The following RCC2 variants were observed in gnomAD, a reference collection of about 807,000 sequenced individuals.
RCC2 encodes regulator of chromosome condensation 2.
In RCC2, 19 loss-of-function variants were observed where a neutral mutation model predicts 64.1. The ratio of observed to expected loss-of-function variants is 0.30; its 90% confidence interval spans 0.21 to 0.44. The LOEUF (loss-of-function observed/expected upper bound fraction) is 0.44, where lower values mean the gene tolerates loss of function less well. Among genes scored for constraint, RCC2 ranks in the 20% least tolerant of loss-of-function variants. The pLI is 1.00. For missense variants in RCC2, 508 were observed against 710.4 expected (o/e 0.72, Z 3.24); for synonymous variants, 325 against 279.6 (o/e 1.16, Z -1.62).
At chr1:17,432,311 T>C (rs906545124) in intron 2 of RCC2, among the ~76,000 whole-genome samples, 1 of 152,240 alleles carries the variant, frequency 6.6e-6, no homozygotes, top group African/African-American at 2.4e-5. Flanking sequence ...TACAGGTCTA[T>C]ATTCAATGGC....
chr1:17,420,224 G>T (rs931528606), intron 7 of RCC2, among the ~76,000 whole-genome samples: 2 of 152,186 alleles, frequency 1.3e-5, no homozygotes, highest in African/African-American at 4.8e-5. Flanking sequence ...CAATGAGATC[G>T]AAGAAACAAG....
chr1:17,433,621 T>C (rs2075706804), intron 2 of RCC2, among the ~76,000 whole-genome samples: 2 of 152,216 alleles, frequency 1.3e-5, no homozygotes, highest in Non-Finnish European at 2.9e-5. Flanking sequence ...GTGATTTTCA[T>C]GTCATTTCAC....
intron 3 of RCC2, among the ~76,000 whole-genome samples, chr1:17,427,825 G>T (rs2075633834): frequency 6.6e-6 from 1 of 152,042 alleles, no homozygotes. Context: ...GAGGGACCGG[G>T]CAGGGGTGGG....
Position 17,438,358 on chromosome 1 carries a change from C to A in RCC2, c.157G>T (p.Asp53Tyr). Reference sequence around the variant, plus strand: ...CCGTCGAGCTCCAGGCCGTCCTCGTCGCCGCTGCTGCCGCCGCCGCTGCTG... The same window carrying A: ...CCGTCGAGCTCCAGGCCGTCCTCGTAGCCGCTGCTGCCGCCGCCGCTGCTG... Reference protein sequence around the residue: ...SSSSGGGSSGDEDGLELDGAP... With the variant: ...SSSSGGGSSGYEDGLELDGAP... Residue 53 changes from aspartate to tyrosine, a missense_variant, in exon 2 of 13, where the codon GAC (aspartate) becomes TAC (tyrosine). By Grantham distance (160) the Asp-to-Tyr change is radical (BLOSUM62 -3). Coordinates refer to ENST00000375436, the MANE Select transcript of RCC2 (RefSeq NM_018715.4). The A allele has an allele frequency of 8.1e-7, 1 of 1,240,160 alleles. No individual in the cohort carries two copies. The highest frequency in any genetic ancestry group is 1.0e-6 in the Non-Finnish European group (1 of 993,738). The allele number at this position is 1,240,160 out of a possible 1,614,324, so 76.8% of individuals were successfully genotyped here. A position where few individuals can be genotyped will look rare whatever the true frequency, so the allele number is the denominator to read the frequency against.
At position 17,435,811 on chromosome 1, in the gene RCC2, G is replaced by A. The variant is rs535492957; in HGVS notation, c.285+2419C>T. Among the ~76,000 whole-genome samples, 7 of 152,064 alleles carry A rather than the reference G, an allele frequency of 4.6e-5. 1 individual carries two copies. The highest frequency in any genetic ancestry group is 7.4e-5 in the Non-Finnish European group (5 of 67,980). On this transcript the variant is annotated intron_variant, in intron 2 of 12. Coordinates refer to ENST00000375436, the MANE Select transcript of RCC2 (RefSeq NM_018715.4). ...TGGGCGTCTATAATCCCAGCTACTC[G>A]GGAGGCTGAGGCAGAAGAATTGCTT...
At chr1:17,417,948 C>T (rs2075507102) in intron 7 of RCC2, among the ~76,000 whole-genome samples, 1 of 152,052 alleles carries the variant, frequency 6.6e-6, no homozygotes. Flanking sequence ...TACAGTAGAA[C>T]TACTTACATA....
At chr1:17,434,399 T>C (rs1237249162) in intron 2 of RCC2, among the ~76,000 whole-genome samples, 1 of 152,320 alleles carries the variant, frequency 6.6e-6, no homozygotes. Context: ...ACAGAGCTTG[T>C]GGAGAGCTGA....
chr1:17,435,331 G>T (rs1262472348), intron 2 of RCC2, among the ~76,000 whole-genome samples: 4 of 152,236 alleles, frequency 2.6e-5, no homozygotes, highest in Admixed American at 2.6e-4. Context: ...TGGGGTCACT[G>T]AAGGCAATAT....
chr1:17,422,842 G>C lies in RCC2; in HGVS notation c.524-6C>G, dbSNP rs202042798. The C allele has an allele frequency of 1.9e-6, 3 of 1,613,948 alleles. No individual in the cohort carries two copies. The Admixed American group carries it at 5.0e-5, about 27-fold the overall frequency. ...CTGCCCCTTCTCATTTCGACCTGCA[G>C]ATCACATGAGAGAAAGTAGAAAAGA... On this transcript the variant is annotated splice_polypyrimidine_tract_variant and splice_region_variant and intron_variant, in intron 4 of 12. Coordinates refer to ENST00000375436, the MANE Select transcript of RCC2 (RefSeq NM_018715.4).
At chr1:17,413,405 C>A in intron 9 of RCC2, 132 bp downstream of exon 9, 4 of 1,047,750 alleles carry the variant, frequency 3.8e-6, no homozygotes, top group East Asian at 2.4e-5. Flanking sequence ...GACAACACAA[C>A]GAGTTCCTGT....
chr1:17,409,216 G>C (rs1288219889), intron 12 of RCC2, 22 bp from the exon 13 acceptor site: 1 of 1,519,008 alleles, frequency 6.6e-7, no homozygotes, highest in Non-Finnish European at 9.1e-7. Context: ...AATCAGCGTT[G>C]GGTGTGCCTG....
intron 8 of RCC2, among the ~76,000 whole-genome samples, chr1:17,416,082 G>T (rs1360532981): frequency 8.7e-6 from 1 of 115,416 alleles, no homozygotes; most frequent in African/African-American, 3.2e-5. Flanking sequence ...AAAAAAAGGG[G>T]GGGGGGGCGG....
In RCC2 at chr1:17,426,019, C is replaced by T. The variant is rs115137287; in HGVS notation, c.380-335G>A. 2.4e-3 allele frequency among the ~76,000 whole-genome samples: 372 copies of T among 152,320 alleles called. 3 individuals are homozygous for T. Among genetic ancestry groups the T allele is most frequent in the African/African-American group, 8.0e-3 (333 of 41,558 alleles). Reference sequence around the variant, plus strand: ...TGTTCTGCCATTGAGCACGCCCACCCGCAAGTGCCCGGGACCTGGTGCGAG... The same window carrying T: ...TGTTCTGCCATTGAGCACGCCCACCTGCAAGTGCCCGGGACCTGGTGCGAG... On this transcript the variant is annotated intron_variant, in intron 3 of 12. Transcript: ENST00000375436.
chr1:17,432,671 T>C (rs1303760335), intron 2 of RCC2, among the ~76,000 whole-genome samples: 1 of 152,240 alleles, frequency 6.6e-6, no homozygotes, highest in African/African-American at 2.4e-5. Flanking sequence ...AGCCAGAGCT[T>C]AACCGCAGTG....
chr1:17,431,634 C>G (rs181531674), intron 2 of RCC2, among the ~76,000 whole-genome samples: 1 of 151,550 alleles, frequency 6.6e-6, no homozygotes, highest in South Asian at 2.1e-4. Flanking sequence ...TCTAAGATTA[C>G]ACATCTTCAT....
intron 2 of RCC2, among the ~76,000 whole-genome samples, chr1:17,436,221 AC>A (rs2075733879): frequency 6.6e-6 from 1 of 152,168 alleles, no homozygotes; most frequent in Non-Finnish European, 1.5e-5. Flanking sequence ...CAAACATGCA[AC>A]CCAACACAGG....
chr1:17,409,034 A>G lies in RCC2; in HGVS notation c.*56T>C. 1 of 1,276,318 alleles carries G rather than the reference A, an allele frequency of 7.8e-7. No homozygotes were observed. The highest frequency in any genetic ancestry group is 1.2e-5 in the South Asian group (1 of 84,272). The allele number at this position is 1,276,318 out of a possible 1,614,324, so 79.1% of individuals were successfully genotyped here. ...CTCGTTTGACTTCCCGTCCCAGTGCACATGGAAATGACAGCTGCCGCGAGA... is the reference window on the plus strand; with the variant it reads ...CTCGTTTGACTTCCCGTCCCAGTGCGCATGGAAATGACAGCTGCCGCGAGA... On this transcript the variant is annotated 3_prime_UTR_variant, in exon 13 of 13. Transcript: ENST00000375436.
intron 2 of RCC2, among the ~76,000 whole-genome samples, chr1:17,435,019 C>T (rs1246890202): frequency 6.6e-6 from 1 of 152,166 alleles, no homozygotes; most frequent in Non-Finnish European, 1.5e-5. Flanking sequence ...AGGAGAGTTG[C>T]TTGAACCCAG....
At chr1:17,412,029 G>A in intron 11 of RCC2, 93 bp downstream of exon 11, 14 of 1,094,390 alleles carry the variant, frequency 1.3e-5, no homozygotes, top group Non-Finnish European at 4.2e-6. Context: ...TTTTTCTTCT[G>A]TGTGTTTTGG....
Sources: allele counts gnomAD v4.1 joint callset (sites outside exome capture counted in the v4.1 genomes callset), GRCh38; gene constraint gnomAD v4.1.1; transcripts MANE v1.5; gene names NCBI Gene and HGNC (gene_info 2026-07-23, HGNC 2026-07-21).